The following ACOX1 variants were observed in gnomAD, a reference collection of about 807,000 sequenced individuals.
ACOX1 encodes peroxisomal acyl-coenzyme A oxidase 1.
A neutral mutation model predicts 75.5 loss-of-function variants in ACOX1; 41 were observed. The ratio of observed to expected loss-of-function variants is 0.54; its 90% confidence interval spans 0.42 to 0.70. The LOEUF (loss-of-function observed/expected upper bound fraction) is 0.70, where lower values mean the gene tolerates loss of function less well. Ranked by LOEUF, ACOX1 falls within the 30% of genes least tolerant of loss-of-function variation. The pLI is 0.00. For missense variants in ACOX1, 630 were observed against 837.5 expected, an observed-to-expected ratio of 0.75 and a Z score of 3.06; for synonymous variants, 303 against 298.8, an observed-to-expected ratio of 1.01 and a Z score of -0.15.
chr17:75,969,215 A>G (rs982912025), intron 2 of ACOX1, among the ~76,000 whole-genome samples: 7 of 152,178 alleles, frequency 4.6e-5, no homozygotes, highest in African/African-American at 1.7e-4. Flanking sequence ...TACCCAGGCT[A>G]GAGCGCAATG....
rs1223522192 is a variant in ACOX1, at chr17:75,960,465, A to G, written c.270-90T>C. 5.1e-6 allele frequency: 7 copies of G among 1,369,074 alleles called. No homozygotes were observed. The highest frequency in any genetic ancestry group is 5.1e-6 in the Non-Finnish European group (5 of 986,288). The allele number at this position is 1,369,074 out of a possible 1,614,324, so 84.8% of individuals were successfully genotyped here. On this transcript the variant is annotated intron_variant, in intron 2 of 13. Coordinates refer to ENST00000293217, the MANE Select transcript of ACOX1 (RefSeq NM_004035.7). This position sits in a 1 kb window ranked among gnomAD's most constrained non-coding sequence, Gnocchi z 4.4. ...TTTAAATAGAGCAAGGGAAGGAGAC[A>G]AAAAAACCTTAAGTATGAATTAGTT...
At chr17:75,954,568 C>CTTTTTTT (rs778030630) in intron 6 of ACOX1, among the ~76,000 whole-genome samples, 2 of 115,654 alleles carry the variant, frequency 1.7e-5, no homozygotes, top group East Asian at 4.6e-4. Flanking sequence ...TTATTAGCTC[C>CTTTTTTT]TTTTTTTTTT....
chr17:75,954,674 C>T (rs1274627366), intron 6 of ACOX1, among the ~76,000 whole-genome samples: 8 of 144,234 alleles, frequency 5.5e-5, no homozygotes, highest in Non-Finnish European at 1.2e-4. Context: ...TGGGTTCAAG[C>T]GATTCTCCTG....
At chr17:75,951,271 T>C in intron 8 of ACOX1, 144 bp downstream of exon 8, 3 of 978,158 alleles carry the variant, frequency 3.1e-6, no homozygotes, top group Non-Finnish European at 4.7e-6. Context: ...GATCTTCATA[T>C]CTGATCTACT....
intron 2 of ACOX1, among the ~76,000 whole-genome samples, chr17:75,971,790 T>C (rs2065997941): frequency 6.6e-6 from 1 of 152,056 alleles, no homozygotes; most frequent in African/African-American, 2.4e-5. Context: ...GATATTACTT[T>C]ATAAATGAGG....
intron 3 of ACOX1, among the ~76,000 whole-genome samples, chr17:75,958,515 CA>C (rs1222851399): frequency 7.1e-6 from 1 of 141,608 alleles, no homozygotes; most frequent in Middle Eastern, 3.3e-3. Flanking sequence ...AAAAAAACAA[CA>C]AAAAAATTAA....
In ACOX1 at chr17:75,945,889, C is replaced by G. The variant is rs912397645; in HGVS notation, c.*859G>C. ...TCTGTGCTACGTCTGGGAGTGCTGACCTAAGTGACATTTTTTTTTAATGCC... is the reference window on the plus strand; with the variant it reads ...TCTGTGCTACGTCTGGGAGTGCTGAGCTAAGTGACATTTTTTTTTAATGCC... On this transcript the variant is annotated 3_prime_UTR_variant, in exon 14 of 14. Transcript: ENST00000293217. 1 of 152,070 alleles carries G rather than the reference C, an allele frequency of 6.6e-6. No homozygotes were observed. The highest frequency in any genetic ancestry group is 1.5e-5 in the Non-Finnish European group (1 of 68,012). 9.4% of individuals were successfully genotyped at this position (152,070 alleles called of 1,614,324 possible).
rs1343563450 is a variant in ACOX1, at chr17:75,979,066, G to A, written c.8C>T (p.Pro3Leu). The A allele has an allele frequency of 7.4e-6, 12 of 1,611,582 alleles. No homozygotes were observed. In the Admixed American group the frequency reaches 1.5e-4, roughly 20 times the overall value. Residue 3 changes from proline to leucine, a missense_variant, in exon 1 of 14, where the codon CCG (proline) becomes CTG (leucine). By Grantham distance (98) the Pro-to-Leu change is moderately conservative. This residue lies in a region of ACOX1 where 390 missense variants were observed against 574.9 expected (regional missense o/e 0.68). Transcript: ENST00000293217. The part of the protein sequence containing the change: MN[P>L]DLRRERDSAS... ...GGAATCCCGCTCCCTGCGCAGGTCC[G>A]GGTTCATGGCGACGACCAGCTGGCA...
At position 75,946,667 on chromosome 17, in the gene ACOX1, T is replaced by C. The variant is rs1567871249; in HGVS notation, c.*81A>G. The stretch of plus-strand genomic sequence containing the variant: ...AATTTATCATTTGCTCTATAGCTAT[T>C]TGAATTCGAAAAAGATTCCACAAAA... On this transcript the variant is annotated 3_prime_UTR_variant, in exon 14 of 14. Transcript: ENST00000293217. The C allele has an allele frequency of 5.6e-6, 7 of 1,249,610 alleles. No individual in the cohort carries two copies. The highest frequency in any genetic ancestry group is 1.8e-5 in the Admixed American group (1 of 56,934). The allele number at this position is 1,249,610 out of a possible 1,614,324, so 77.4% of individuals were successfully genotyped here. A position where few individuals can be genotyped will look rare whatever the true frequency, so the allele number is the denominator to read the frequency against.
chr17:75,978,683 G>A lies in ACOX1; in HGVS notation c.120C>T (p.Ile40=), dbSNP rs771520658. 4 of 1,614,068 alleles carry A rather than the reference G, an allele frequency of 2.5e-6. No homozygotes were observed. The highest frequency in any genetic ancestry group is 3.4e-6 in the Non-Finnish European group (4 of 1,180,046). Residue 40 remains isoleucine, a synonymous_variant, in exon 2 of 14, where the codon ATC becomes ATT. Coordinates refer to ENST00000293217, the MANE Select transcript of ACOX1 (RefSeq NM_004035.7). This position sits in a 1 kb window ranked among gnomAD's most constrained non-coding sequence, Gnocchi z 4.2. ...CATGCTGGAAGTCTGGGTCGTTCAG[G>A]ATCATGTTCTCTGAAAGGGGGTTAA... is the stretch of plus-strand genomic sequence containing the variant. ...TRRRREIENM[I]LNDPDFQHED... is the part of the protein sequence containing the mutation.
In ACOX1 at chr17:75,949,547, C is replaced by A. The variant is rs138050619; in HGVS notation, c.1532G>T (p.Ser511Ile). The change falls in exon 11 of 14, where the codon AGC becomes ATC. Residue 511 changes from serine to isoleucine, a missense_variant. This residue lies in a region of ACOX1 where 240 missense variants were observed against 262.7 expected (regional missense o/e 0.91). Transcript: ENST00000293217. ...AGTTAGGTTCCAAGCTACCTCCTTGCTTTTTCTGTGAATCACTTCTTTTTG... is the reference window on the plus strand; with the variant it reads ...AGTTAGGTTCCAAGCTACCTCCTTGATTTTTCTGTGAATCACTTCTTTTTG... ...NLQKEVIHRKSKEVAWNLTSV... is the reference protein window; with the variant it reads ...NLQKEVIHRKIKEVAWNLTSV... The A allele has an allele frequency of 1.2e-4, 187 of 1,614,194 alleles. 1 individual carries two copies. The highest frequency in any genetic ancestry group is 3.7e-4 in the Admixed American group (22 of 60,016).
At chr17:75,947,560 C>T (rs2065733096) in intron 13 of ACOX1, among the ~76,000 whole-genome samples, 1 of 152,012 alleles carries the variant, frequency 6.6e-6, no homozygotes, top group African/African-American at 2.4e-5. Flanking sequence ...TCAAAATAGT[C>T]CCCAGGAGGA....
chr17:75,958,509 A>C (rs2065855346), intron 3 of ACOX1, among the ~76,000 whole-genome samples: 1 of 145,582 alleles, frequency 6.9e-6, no homozygotes, highest in Admixed American at 6.7e-5. Flanking sequence ...TCTACTAAAA[A>C]AACAACAAAA....
chr17:75,956,955 CTCTCTCTCTCTCTCTCTA>C (rs1416496905), intron 4 of ACOX1, among the ~76,000 whole-genome samples: 26 of 29,740 alleles, frequency 8.7e-4, no homozygotes, highest in African/African-American at 3.2e-3. Context: ...CTCTCTCTCT[CTCTCTCTCTCTCTCTCTA>C]TATATATATA....
intron 2 of ACOX1, among the ~76,000 whole-genome samples, chr17:75,967,026 C>T (rs958232701): frequency 3.3e-5 from 5 of 150,764 alleles, no homozygotes; most frequent in African/African-American, 1.2e-4. Context: ...CACTGCACCC[C>T]AGCCTGGGTG....
Position 75,949,909 on chromosome 17 carries a change from C to T in ACOX1, c.1299-12G>A. 1 of 1,614,012 alleles carries T rather than the reference C, an allele frequency of 6.2e-7. No homozygotes were observed. The highest frequency in any genetic ancestry group is 1.1e-5 in the South Asian group (1 of 91,060). ...TTTTCATCAGGAACCTAAAAGTCAC[C>T]AGTAAACATGCTTTTAGTAACTCTA... On this transcript the variant is annotated splice_polypyrimidine_tract_variant and intron_variant, in intron 9 of 13. Transcript: ENST00000293217.
chr17:75,956,054 A>C (rs1413005522), intron 4 of ACOX1, 107 bp from the exon 5 acceptor site: 8 of 1,470,078 alleles, frequency 5.4e-6, no homozygotes, highest in Admixed American at 3.4e-5. Context: ...GACTAAACCA[A>C]TAGTATGTGT....
chr17:75,978,236 A>G lies in ACOX1; in HGVS notation c.269+298T>C, dbSNP rs1367633502. On this transcript the variant is annotated intron_variant, in intron 2 of 13. Transcript: ENST00000293217. This position sits in a 1 kb window ranked among gnomAD's most constrained non-coding sequence, Gnocchi z 4.2. Reference sequence around the variant, plus strand: ...CAGCCTCCCGAGTAGCTGGAACTACAGGCGCCCGCCACCACGCCCGGCTAA... The same window carrying G: ...CAGCCTCCCGAGTAGCTGGAACTACGGGCGCCCGCCACCACGCCCGGCTAA... Among the ~76,000 whole-genome samples, 4 of 152,006 alleles carry G rather than the reference A, an allele frequency of 2.6e-5. No individual in the cohort carries two copies. Among genetic ancestry groups the G allele is most frequent in the African/African-American group, 9.7e-5 (4 of 41,386 alleles).
chr17:75,948,550 A>C (rs2065743591), intron 12 of ACOX1, 93 bp from the exon 13 acceptor site: 2 of 1,146,514 alleles, frequency 1.7e-6, no homozygotes, highest in South Asian at 1.4e-5. Context: ...GATGACAATT[A>C]TTTTTTTCTT....
Sources: allele counts gnomAD v4.1 joint callset (sites outside exome capture counted in the v4.1 genomes callset), GRCh38; gene constraint gnomAD v4.1.1; regional missense constraint gnomAD v4.1.1; non-coding constraint Gnocchi (gnomAD v3.1); transcripts MANE v1.5; gene names NCBI Gene and HGNC (gene_info 2026-07-23, HGNC 2026-07-21).